The following PACS2 variants were observed in gnomAD, a reference collection of about 807,000 sequenced individuals.
The protein encoded by PACS2 is phosphofurin acidic cluster sorting protein 2, also known as PACS1-like protein.
A neutral mutation model predicts 113.0 loss-of-function variants in PACS2; 36 were observed. The ratio of observed to expected loss-of-function variants is 0.32; its 90% confidence interval spans 0.24 to 0.42. The LOEUF is 0.42. Among genes scored for constraint, PACS2 ranks in the 10% least tolerant of loss-of-function variants. The probability of loss-of-function intolerance (pLI) is 1.00; values close to 1 mark genes in which losing one functional copy is unlikely to be tolerated. For missense variants in PACS2, 1,015 were observed against 1,239.5 expected, an observed-to-expected ratio of 0.82 and a Z score of 2.72; for synonymous variants, 589 against 536.1, an observed-to-expected ratio of 1.10 and a Z score of -1.36.
chr14:105,353,238 C>T (rs1169673425), intron 3 of PACS2, among the ~76,000 whole-genome samples: 10 of 127,592 alleles, frequency 7.8e-5, no homozygotes, highest in Non-Finnish European at 1.3e-4. Context: ...ATCACTGTCC[C>T]CTGGGGAGAC....
chr14:105,332,754 G>A (rs940817783), intron 1 of PACS2, among the ~76,000 whole-genome samples: 6 of 152,204 alleles, frequency 3.9e-5, no homozygotes, highest in African/African-American at 1.4e-4. Context: ...CAGGACAGCA[G>A]TTCCATCCTC....
chr14:105,314,418 G>A (rs2058456914), upstream of PACS2: 4 of 150,196 alleles, frequency 2.7e-5, no homozygotes, highest in South Asian at 8.3e-4. Flanking sequence ...GGGACCCGGT[G>A]GACCCCCACG....
intron 1 of PACS2, among the ~76,000 whole-genome samples, chr14:105,302,481 G>C (rs1228329818): frequency 6.6e-6 from 1 of 152,066 alleles, no homozygotes. Flanking sequence ...GGGATTACAG[G>C]CATGAGCCAC....
rs1566944582 is a variant in PACS2 at position 105,365,647 on chromosome 14, C to T, written c.424-1566C>T. On this transcript the variant is annotated intron_variant, in intron 4 of 24. Transcript: ENST00000447393. This position sits in a 1 kb window ranked among gnomAD's most constrained non-coding sequence, Gnocchi z 5.1. ...ATGAGCAGGTGCAGCACCACCTGAG[C>T]CCCACCTTGATTCCTCCGGGACCCC... Among the ~76,000 whole-genome samples the T allele has an allele frequency of 6.6e-6, 1 of 152,172 alleles. No individual in the cohort carries two copies. The highest frequency in any genetic ancestry group is 1.5e-5 in the Non-Finnish European group (1 of 68,024).
chr14:105,342,204 A>C (rs2059752965), intron 1 of PACS2, among the ~76,000 whole-genome samples: 1 of 151,154 alleles, frequency 6.6e-6, no homozygotes, highest in African/African-American at 2.4e-5. Context: ...CAATTAGTTC[A>C]TCCACAGCAG....
chr14:105,377,352 G>T (rs587610173), intron 9 of PACS2, among the ~76,000 whole-genome samples: 3 of 152,160 alleles, frequency 2.0e-5, no homozygotes, highest in Non-Finnish European at 4.4e-5. Context: ...CAGGTGGGGA[G>T]GGGGAGGGCA....
intron 1 of PACS2, among the ~76,000 whole-genome samples, chr14:105,336,994 C>T (rs587620350): frequency 2.6e-5 from 4 of 152,340 alleles, no homozygotes; most frequent in African/African-American, 9.6e-5. Context: ...TATCCATCCT[C>T]GGACAAACAA....
chr14:105,383,427 G>C lies in PACS2; in HGVS notation c.1694G>C (p.Ser565Thr), dbSNP rs200405575. 11 of 1,609,566 alleles carry C rather than the reference G, an allele frequency of 6.8e-6. No individual in the cohort carries two copies. The East Asian group carries it at 2.5e-4, about 36-fold the overall frequency. Residue 565 changes from serine to threonine, a missense_variant, in exon 16 of 25, where the codon AGT becomes ACT. Physicochemically the swap from Ser to Thr is moderately conservative, Grantham distance 58 (BLOSUM62 1). This residue lies in a region of PACS2 where 859 missense variants were observed against 1,056.8 expected (regional missense o/e 0.81). Coordinates refer to ENST00000447393, the MANE Select transcript of PACS2 (RefSeq NM_001100913.3). ...GTGGCGGGAGCGCAGCATTACCTCA[G>C]TGCCATCCTGCGGCTCTTTGTGGAG... Reference protein sequence around the residue: ...IAVAGAQHYLSAILRLFVEQL... With the variant: ...IAVAGAQHYLTAILRLFVEQL...
chr14:105,391,491 C>A, intron 21 of PACS2, 140 bp from the exon 22 acceptor site: 1 of 759,050 alleles, frequency 1.3e-6, no homozygotes, highest in Non-Finnish European at 2.1e-6. Flanking sequence ...ACCCTCCCGT[C>A]TCTCACAGGC....
rs949547060 is a variant in PACS2, at chr14:105,324,520, C to G, written c.119+9483C>G. Among the ~76,000 whole-genome samples, 21 of 152,236 alleles carry G rather than the reference C, an allele frequency of 1.4e-4. No homozygotes were observed. Among genetic ancestry groups the G allele is most frequent in the Admixed American group, 3.9e-4 (6 of 15,304 alleles). ...TGGCTGGGCCTGGCTGGCTCAGCAG[C>G]TGCTCTGAGAGGCAGCCCTAAAAAT... On this transcript the variant is annotated intron_variant, in intron 1 of 24. Transcript: ENST00000447393. The surrounding 1 kb of genome is among the most constrained non-coding windows in gnomAD (Gnocchi z 4.7).
intron 1 of PACS2, among the ~76,000 whole-genome samples, chr14:105,332,024 G>T (rs1240580612): frequency 1.3e-5 from 2 of 152,152 alleles, no homozygotes; most frequent in Admixed American, 1.3e-4. Flanking sequence ...TGGGACACAT[G>T]TGTGATCTGT....
At chr14:105,303,592 T>C (rs2058096617) in intron 1 of PACS2, among the ~76,000 whole-genome samples, 1 of 152,192 alleles carries the variant, frequency 6.6e-6, no homozygotes, top group Non-Finnish European at 1.5e-5. Context: ...TTAAGATCTC[T>C]TTTCCTTTAT....
chr14:105,367,170 T>C, intron 4 of PACS2, 43 bp from the exon 5 acceptor site: 1 of 1,589,478 alleles, frequency 6.3e-7, no homozygotes, highest in Non-Finnish European at 8.6e-7. Flanking sequence ...CCGGGGCTCC[T>C]TCCCGTCGTG....
intron 2 of PACS2, among the ~76,000 whole-genome samples, chr14:105,351,265 T>C (rs2060167647): frequency 6.6e-6 from 1 of 152,224 alleles, no homozygotes; most frequent in Admixed American, 6.5e-5. Context: ...GCACGTTCAA[T>C]CCATTAGGAA....
Position 105,362,372 on chromosome 14 carries a change from G to A in PACS2, c.424-4841G>A, listed in dbSNP as rs781883716. Among the ~76,000 whole-genome samples the A allele has an allele frequency of 3.0e-4, 45 of 147,902 alleles. 1 individual carries two copies. Among genetic ancestry groups the A allele is most frequent in the Admixed American group, 5.4e-4 (8 of 14,908 alleles). The stretch of plus-strand genomic sequence containing the variant: ...GTGGAGCTTGCAGTGAGCCGAGATC[G>A]CGCCACTGCACTCCAGCCTGGGCGA... On this transcript the variant is annotated intron_variant, in intron 4 of 24. Coordinates refer to ENST00000447393, the MANE Select transcript of PACS2 (RefSeq NM_001100913.3).
intron 7 of PACS2, among the ~76,000 whole-genome samples, chr14:105,369,097 G>C (rs1366758080): frequency 1.3e-5 from 2 of 152,268 alleles, no homozygotes; most frequent in Non-Finnish European, 2.9e-5. Context: ...TGGGCGGGGA[G>C]CTCTGTGCCT....
chr14:105,349,780 G>GC (rs1449786908), intron 2 of PACS2, among the ~76,000 whole-genome samples: 1 of 151,728 alleles, frequency 6.6e-6, no homozygotes. Flanking sequence ...GTGGGGCCTT[G>GC]CCCCAGGAAC....
In PACS2 at chr14:105,348,422, C is replaced by T; in HGVS notation, c.120-71C>T. 1 of 1,226,874 alleles carries T rather than the reference C, an allele frequency of 8.2e-7. No individual in the cohort carries two copies. Among genetic ancestry groups the T allele is most frequent in the Non-Finnish European group, 1.2e-6 (1 of 843,022 alleles). 76.0% of individuals were successfully genotyped at this position (1,226,874 alleles called of 1,614,324 possible). A position where few individuals can be genotyped will look rare whatever the true frequency, so the allele number is the denominator to read the frequency against. ...TGCAGGCTCCCGGGGTGACACAGTG[C>T]TGGGACGGCACAGGGCCGCGTCCTG... On this transcript the variant is annotated intron_variant, in intron 1 of 24. Transcript: ENST00000447393. This position sits in a 1 kb window ranked among gnomAD's most constrained non-coding sequence, Gnocchi z 6.4.
At chr14:105,387,550 C>G (rs2141277887) in intron 19 of PACS2, among the ~76,000 whole-genome samples, 1 of 152,358 alleles carries the variant, frequency 6.6e-6, no homozygotes, top group East Asian at 1.9e-4. Context: ...CATGTGTGTG[C>G]CTCCAGGGTC....
Sources: gnomAD v4.1 joint callset for allele counts (sites outside exome capture counted in the v4.1 genomes callset) on GRCh38, gnomAD v4.1.1 for gene constraint, gnomAD v4.1.1 regional missense constraint, Gnocchi (gnomAD v3.1) non-coding constraint, MANE v1.5 for transcripts, NCBI Gene and HGNC (gene_info 2026-07-23, HGNC 2026-07-21) for gene names.